PRCP: variants seen among roughly 807,000 people sequenced by gnomAD.
The protein encoded by PRCP is lysosomal Pro-X carboxypeptidase.
In PRCP, 46 loss-of-function variants were observed where a neutral mutation model predicts 54.2. The observed-to-expected ratio is 0.85, with a 90% CI of 0.67 to 1.09. The LOEUF (loss-of-function observed/expected upper bound fraction) is 1.09. Among genes scored for constraint, PRCP ranks in the 50% least tolerant of loss-of-function variants. The pLI is 0.00. For missense variants in PRCP, 613 were observed against 596.8 expected (o/e 1.03, Z -0.28); for synonymous variants, 240 against 212.2 (o/e 1.13, Z -1.14).
chr11:82,897,346 G>A (rs377716140), intron 1 of PRCP, among the ~76,000 whole-genome samples: 2 of 152,154 alleles, frequency 1.3e-5, no homozygotes, highest in African/African-American at 4.8e-5. Flanking sequence ...GCTTTGTTTA[G>A]GTTCTTTTTG....
In PRCP at chr11:82,900,358, C is replaced by A; in HGVS notation, c.45G>T (p.Ala15=). 6 of 1,614,008 alleles carry A rather than the reference C, an allele frequency of 3.7e-6. No homozygotes were observed. The highest frequency in any genetic ancestry group is 4.2e-6 in the Non-Finnish European group (5 of 1,179,936). Residue 15 remains alanine, a synonymous_variant, in exon 1 of 9, where the codon GCG becomes GCT. Transcript: ENST00000313010. ...GCCGGAGGGCTATGGTGGCCCAGGG[C>A]GCCAGAAAAGACAGAAGCAGGAGCA... is the stretch of plus-strand genomic sequence containing the variant. The part of the protein sequence containing the change: ...ALLLLLLSFL[A]PWATIALRPA...
At chr11:82,872,752 T>G (rs1018381554) in intron 1 of PRCP, among the ~76,000 whole-genome samples, 1 of 152,216 alleles carries the variant, frequency 6.6e-6, no homozygotes, top group African/African-American at 2.4e-5. Flanking sequence ...AAACTTCTAT[T>G]GTTTTAAGCC....
intron 8 of PRCP, among the ~76,000 whole-genome samples, chr11:82,832,508 A>C (rs1386076578): frequency 1.3e-5 from 2 of 152,126 alleles, no homozygotes; most frequent in Non-Finnish European, 2.9e-5. Context: ...TCTTCTTTTG[A>C]GAAGTGTCTG....
At chr11:82,834,490 G>C (rs1858468383) in intron 8 of PRCP, among the ~76,000 whole-genome samples, 2 of 152,184 alleles carry the variant, frequency 1.3e-5, no homozygotes, top group Non-Finnish European at 2.9e-5. Context: ...TAAACAAAAA[G>C]CAGTTTTACG....
rs1365705426 is a variant in PRCP at position 82,828,665 on chromosome 11, C to CA, written c.1275-3544dup. On this transcript the variant is annotated intron_variant, in intron 8 of 8. Transcript: ENST00000313010. ...ACATGAAAATAATTCCCATAATTTG[C>CA]AAAATCATCAAAAAATTTCTCAGCT... 10 of 152,282 alleles carry CA rather than the reference C, an allele frequency of 6.6e-5. No homozygotes were observed. The East Asian group carries it at 1.2e-3, about 18-fold the overall frequency. 9.4% of individuals were successfully genotyped at this position (152,282 alleles called of 1,614,324 possible).
In PRCP at chr11:82,853,284, A is replaced by G. The variant is rs760979950; in HGVS notation, c.310-6T>C. ...GCCACATCCCACATGAACCCCTAAGAAGAGTTTACAAAATCACAGGATAAA... is the reference window on the plus strand; with the variant it reads ...GCCACATCCCACATGAACCCCTAAGGAGAGTTTACAAAATCACAGGATAAA... On this transcript the variant is annotated splice_polypyrimidine_tract_variant and splice_region_variant and intron_variant, in intron 2 of 8. Coordinates refer to ENST00000313010, the MANE Select transcript of PRCP (RefSeq NM_005040.4). 11 of 1,595,428 alleles carry G rather than the reference A, an allele frequency of 6.9e-6. No individual in the cohort carries two copies. The highest frequency in any genetic ancestry group is 2.2e-5 in the East Asian group (1 of 44,666).
intron 1 of PRCP, among the ~76,000 whole-genome samples, chr11:82,873,635 A>G (rs946565448): frequency 1.3e-5 from 2 of 152,202 alleles, no homozygotes; most frequent in Non-Finnish European, 2.9e-5. Flanking sequence ...GAATTAATAA[A>G]CTACATGTTT....
chr11:82,900,599 A>T, upstream of PRCP: 1 of 738,006 alleles, frequency 1.4e-6, no homozygotes, highest in Non-Finnish European at 2.4e-6. Context: ...ATCCCCGAGG[A>T]CACCGCCTCC....
Position 82,824,869 on chromosome 11 carries a change from A to G in PRCP, c.*37T>C, listed in dbSNP as rs1011527324. On this transcript the variant is annotated 3_prime_UTR_variant, in exon 9 of 9. Coordinates refer to ENST00000313010, the MANE Select transcript of PRCP (RefSeq NM_005040.4). Reference sequence around the variant, plus strand: ...AAGTGAATGGGAATGTGGTGGTGTGAACATAAAAGAAGAAATTGAAAACAA... The same window carrying G: ...AAGTGAATGGGAATGTGGTGGTGTGGACATAAAAGAAGAAATTGAAAACAA... The G allele has an allele frequency of 5.8e-6, 9 of 1,563,262 alleles. No homozygotes were observed. Among genetic ancestry groups the G allele is most frequent in the Non-Finnish European group, 7.9e-6 (9 of 1,141,528 alleles).
intron 6 of PRCP, among the ~76,000 whole-genome samples, chr11:82,848,360 A>G (rs1453247039): frequency 6.6e-6 from 1 of 152,258 alleles, no homozygotes; most frequent in Non-Finnish European, 1.5e-5. Context: ...TATACTTTCC[A>G]AAGTGTTTCA....
intron 1 of PRCP, among the ~76,000 whole-genome samples, chr11:82,868,155 T>G (rs1466650812): frequency 6.6e-6 from 1 of 152,156 alleles, no homozygotes. Flanking sequence ...GAGGGGATTC[T>G]GGAGTTAGGA....
At position 82,824,964 on chromosome 11, in the gene PRCP, A is replaced by G. The variant is rs1372362811; in HGVS notation, c.1433T>C (p.Val478Ala). The G allele has an allele frequency of 1.8e-5, 29 of 1,613,992 alleles. No homozygotes were observed. The highest frequency in any genetic ancestry group is 2.4e-5 in the Non-Finnish European group (28 of 1,179,994). The change falls in exon 9 of 9, where the codon GTT (valine) becomes GCT (alanine). Residue 478 changes from valine to alanine, a missense_variant. Val to Ala is a moderately conservative substitution (Grantham distance 64). Transcript: ENST00000313010. ...MSVLLARSLEVRHMKNWIRDF... is the reference protein window; with the variant it reads ...MSVLLARSLEARHMKNWIRDF... ...TCTGATCCAATTCTTCATATGTCTAACTTCCAAGGAGCGGGCTAACAGCAC... is the reference window on the plus strand; with the variant it reads ...TCTGATCCAATTCTTCATATGTCTAGCTTCCAAGGAGCGGGCTAACAGCAC...
At chr11:82,889,876 G>A (rs987299570) in intron 1 of PRCP, among the ~76,000 whole-genome samples, 8 of 152,168 alleles carry the variant, frequency 5.3e-5, no homozygotes, top group African/African-American at 1.9e-4. Flanking sequence ...GAGGAGAGGT[G>A]ATTTATGTGA....
At chr11:82,871,744 A>C (rs1859488362) in intron 1 of PRCP, among the ~76,000 whole-genome samples, 1 of 152,204 alleles carries the variant, frequency 6.6e-6, no homozygotes, top group African/African-American at 2.4e-5. Flanking sequence ...CTGTTCTCCA[A>C]CTGAGCAACC....
rs745466721 is a variant in PRCP at position 82,900,248 on chromosome 11, T to C, written c.155A>G (p.Tyr52Cys). Residue 52 changes from tyrosine (Y) to cysteine (C), a missense_variant, in exon 1 of 9, where the codon TAC becomes TGC. By Grantham distance (194) the Tyr-to-Cys change is radical. Transcript: ENST00000313010. ...PAVAKNYSVL[Y>C]FQQKVDHFGF... ...GCTCCCCCTTACCTTCTGTTGGAAG[T>C]AGAGAACCGAATAGTTCTTGGCTAC... The C allele has an allele frequency of 2.5e-6, 4 of 1,614,134 alleles. No homozygotes were observed. The highest frequency in any genetic ancestry group is 3.4e-6 in the Non-Finnish European group (4 of 1,179,998).
chr11:82,834,727 C>A (rs898926169), intron 8 of PRCP, among the ~76,000 whole-genome samples: 3 of 152,120 alleles, frequency 2.0e-5, no homozygotes, highest in Non-Finnish European at 4.4e-5. Context: ...GGGAGGGGAA[C>A]AACACACACT....
upstream of PRCP, chr11:82,900,982 T>C: frequency 2.4e-6 from 1 of 408,934 alleles, no homozygotes; most frequent in Non-Finnish European, 4.9e-6. Flanking sequence ...TTGTGCGTCG[T>C]ATATGATTGT....
intron 1 of PRCP, among the ~76,000 whole-genome samples, chr11:82,879,877 G>A (rs1859703665): frequency 6.6e-6 from 1 of 152,228 alleles, no homozygotes; most frequent in Admixed American, 6.5e-5. Flanking sequence ...AAATGTTGCT[G>A]CCTGATCCTT....
intron 6 of PRCP, among the ~76,000 whole-genome samples, chr11:82,842,270 C>T (rs949682378): frequency 5.9e-5 from 9 of 152,266 alleles, no homozygotes; most frequent in Non-Finnish European, 7.4e-5. Flanking sequence ...GGCTGGAGAC[C>T]GGCACTGGCT....
Sources: gnomAD v4.1 joint callset for allele counts (sites outside exome capture counted in the v4.1 genomes callset) on GRCh38, gnomAD v4.1.1 for gene constraint, MANE v1.5 for transcripts, NCBI Gene and HGNC (gene_info 2026-07-23, HGNC 2026-07-21) for gene names.